CNTNAP2: variants seen among roughly 807,000 people sequenced by gnomAD.
CNTNAP2 encodes the protein contactin associated protein 2.
A neutral mutation model predicts 155.2 loss-of-function variants in CNTNAP2; 98 were observed. That is an observed-to-expected ratio of 0.63 (90% CI 0.54 to 0.75). CNTNAP2 has a LOEUF of 0.75. Among genes scored for constraint, CNTNAP2 ranks in the 30% least tolerant of loss-of-function variants. The probability of loss-of-function intolerance (pLI) is 0.00; values close to 1 mark genes in which losing one functional copy is unlikely to be tolerated. For synonymous variants in CNTNAP2, 651 were observed against 631.2 expected (o/e 1.03, Z -0.47); for missense variants, 1,727 against 1,688.1 (o/e 1.02, Z -0.40).
intron 1 of CNTNAP2, among the ~76,000 whole-genome samples, chr7:146,223,782 A>C (rs1799246735): frequency 6.6e-6 from 1 of 152,242 alleles, no homozygotes; most frequent in African/African-American, 2.4e-5. Flanking sequence ...CCAAAGTATT[A>C]TTATTAATAA....
intron 9 of CNTNAP2, among the ~76,000 whole-genome samples, chr7:147,347,876 A>G (rs1795904240): frequency 6.6e-6 from 1 of 152,084 alleles, no homozygotes; most frequent in South Asian, 2.1e-4. Context: ...AAATTAATCT[A>G]CATGTCTATA....
intron 3 of CNTNAP2, among the ~76,000 whole-genome samples, chr7:147,037,607 G>A (rs1799180193): frequency 1.3e-5 from 2 of 151,990 alleles, no homozygotes; most frequent in Admixed American, 6.6e-5. Context: ...GATTACAGGT[G>A]CATGCCACCA....
intron 3 of CNTNAP2, among the ~76,000 whole-genome samples, chr7:147,010,465 T>G (rs1427153454): frequency 6.6e-6 from 1 of 152,006 alleles, no homozygotes; most frequent in African/African-American, 2.4e-5. Context: ...CACGTATATA[T>G]GAATCTAAAA....
At position 148,259,179 on chromosome 7, in the gene CNTNAP2, T is replaced by TAAAAAAAAAAA. The variant is rs34229180; in HGVS notation, c.3382-7834_3382-7824dup. Among the ~76,000 whole-genome samples, 11 of 24,026 alleles carry TAAAAAAAAAAA rather than the reference T, an allele frequency of 4.6e-4. 4 individuals carry two copies. In the East Asian group the frequency reaches 6.4e-3, roughly 14 times the overall value. 15.8% of individuals were successfully genotyped at this position (24,026 alleles called of 152,430 possible). On this transcript the variant is annotated intron_variant, in intron 20 of 23. Coordinates refer to ENST00000361727, the MANE Select transcript of CNTNAP2 (RefSeq NM_014141.6). ...GGGCAACAAAAGCAAAACTCCGTCT[T>TAAAAAAAAAAA]AAAAAAAAAAAAAAAAAAAAAAAAA...
Position 146,800,898 on chromosome 7 carries a change from CA to C in CNTNAP2, c.208+26519del, listed in dbSNP as rs375029836. Among the ~76,000 whole-genome samples the C allele has an allele frequency of 2.0e-3, 301 of 151,934 alleles. 1 individual carries two copies. The highest frequency in any genetic ancestry group is 6.2e-3 in the South Asian group (30 of 4,818). ...GGAGTAGAGAATTTTTTCCCACATG[CA>C]ATGTGGGAAAAGTATAAAGTACCCT... On this transcript the variant is annotated intron_variant, in intron 2 of 23. Coordinates refer to ENST00000361727, the MANE Select transcript of CNTNAP2 (RefSeq NM_014141.6).
intron 21 of CNTNAP2, among the ~76,000 whole-genome samples, chr7:148,334,774 GC>G: frequency 6.6e-6 from 1 of 152,344 alleles, no homozygotes; most frequent in East Asian, 1.9e-4. Context: ...GGGGAGGGCT[GC>G]CCATGCAAAG....
chr7:147,878,048 G>T (rs769652852), intron 13 of CNTNAP2, among the ~76,000 whole-genome samples: 1 of 152,212 alleles, frequency 6.6e-6, no homozygotes, highest in African/African-American at 2.4e-5. Context: ...GGGCGAAACT[G>T]AGTATGCTGA....
chr7:146,366,404 T>C (rs1239535464), intron 1 of CNTNAP2, among the ~76,000 whole-genome samples: 3 of 152,110 alleles, frequency 2.0e-5, no homozygotes, highest in Admixed American at 2.0e-4. Context: ...TATACGTTAT[T>C]AAAAACCATT....
chr7:148,291,648 C>G (rs1460484806), intron 21 of CNTNAP2, among the ~76,000 whole-genome samples: 1 of 152,122 alleles, frequency 6.6e-6, no homozygotes, highest in Non-Finnish European at 1.5e-5. Context: ...CAGATACACC[C>G]AGGACCAATA....
At chr7:146,188,592 C>A (rs1195801853) in intron 1 of CNTNAP2, among the ~76,000 whole-genome samples, 1 of 152,148 alleles carries the variant, frequency 6.6e-6, no homozygotes, top group Non-Finnish European at 1.5e-5. Flanking sequence ...ATACCTTGGA[C>A]TCATCTGATT....
At chr7:146,278,018 G>A (rs369223604) in intron 1 of CNTNAP2, among the ~76,000 whole-genome samples, 1 of 152,158 alleles carries the variant, frequency 6.6e-6, no homozygotes, top group East Asian at 1.9e-4. Context: ...CTATGGGCAC[G>A]TGAGGGAGAC....
intron 1 of CNTNAP2, among the ~76,000 whole-genome samples, chr7:146,479,871 G>A (rs1307287005): frequency 2.0e-5 from 3 of 152,080 alleles, no homozygotes; most frequent in Admixed American, 2.0e-4. Flanking sequence ...TGCAACCTCT[G>A]CCTCCCGTGT....
In CNTNAP2 at chr7:147,933,143, T is replaced by TA. The variant is rs559931257; in HGVS notation, c.2255+29432dup. 1.0e-3 allele frequency among the ~76,000 whole-genome samples: 150 copies of TA among 149,380 alleles called. 2 individuals carry two copies. Among genetic ancestry groups the TA allele is most frequent in the Middle Eastern group, 3.4e-3 (1 of 290 alleles). ...CTCCCAGGCTGGATGGCTATTGTTT[T>TA]AAAAAAAAAAGTTACTTGGTGTTAT... On this transcript the variant is annotated intron_variant, in intron 14 of 23. Coordinates refer to ENST00000361727, the MANE Select transcript of CNTNAP2 (RefSeq NM_014141.6).
At chr7:148,147,405 C>T in intron 16 of CNTNAP2, 86 bp from the exon 17 acceptor site, 1 of 1,322,552 alleles carries the variant, frequency 7.6e-7, no homozygotes, top group Non-Finnish European at 1.1e-6. Context: ...TTTTCCTCTC[C>T]CTGCTTTGTT....
At chr7:146,844,755 A>G (rs1803810736) in intron 3 of CNTNAP2, among the ~76,000 whole-genome samples, 1 of 152,128 alleles carries the variant, frequency 6.6e-6, no homozygotes, top group African/African-American at 2.4e-5. Flanking sequence ...TACCAGTCAT[A>G]TGAGCGCAGT....
chr7:147,064,468 A>G (rs935428596), intron 4 of CNTNAP2, among the ~76,000 whole-genome samples: 18 of 152,160 alleles, frequency 1.2e-4, no homozygotes, highest in African/African-American at 4.3e-4. Context: ...ATGATGTGGA[A>G]GAATTCTTTG....
intron 23 of CNTNAP2, among the ~76,000 whole-genome samples, chr7:148,414,117 C>T (rs1394880008): frequency 2.0e-5 from 2 of 97,902 alleles, no homozygotes; most frequent in East Asian, 3.9e-4. Context: ...CCCCCCCTCA[C>T]ACAAGCTGGA....
chr7:147,898,006 T>C (rs1799802842), intron 13 of CNTNAP2, among the ~76,000 whole-genome samples: 1 of 152,196 alleles, frequency 6.6e-6, no homozygotes, highest in Non-Finnish European at 1.5e-5. Flanking sequence ...GGCATGTTTC[T>C]CCCTTTGGAA....
chr7:147,512,424 T>C (rs148544310), intron 11 of CNTNAP2, among the ~76,000 whole-genome samples: 2 of 152,346 alleles, frequency 1.3e-5, no homozygotes, highest in African/African-American at 4.8e-5. Flanking sequence ...CAGTTCCTAA[T>C]GTTACATTTT....
Sources: allele counts gnomAD v4.1 joint callset (sites outside exome capture counted in the v4.1 genomes callset), GRCh38; gene constraint gnomAD v4.1.1; transcripts MANE v1.5; gene names NCBI Gene and HGNC (gene_info 2026-07-23, HGNC 2026-07-21).